SLC9A7: variants seen among roughly 807,000 people sequenced by gnomAD.
The protein encoded by SLC9A7 is solute carrier family 9 member A7.
In SLC9A7, 19 loss-of-function variants were observed where a neutral mutation model predicts 52.6. The ratio of observed to expected loss-of-function variants is 0.36; its 90% CI spans 0.25 to 0.53. The LOEUF is 0.53. SLC9A7 is among the 20% of genes least tolerant of loss of function. SLC9A7 has a pLI of 0.91. For synonymous variants in SLC9A7, 226 were observed against 252.1 expected (o/e 0.90, Z 0.98); for missense variants, 455 against 597.9 (o/e 0.76, Z 2.49).
chrX:46,671,998 T>TC (rs747787658), intron 4 of SLC9A7, among the ~76,000 whole-genome samples: 3 of 112,180 alleles, frequency 2.7e-5, no homozygotes, highest in Non-Finnish European at 5.6e-5. Context: ...TTTGTCTCTT[T>TC]CCCCCATTTA....
At chrX:46,633,335 C>CAAAA (rs1943252831) in intron 13 of SLC9A7, among the ~76,000 whole-genome samples, 1 of 11,883 alleles carries the variant, frequency 8.4e-5, no homozygotes, top group Non-Finnish European at 1.5e-4. Flanking sequence ...CTTGCTGCTG[C>CAAAA]TAAAAAAAAA....
chrX:46,678,003 C>T (rs751086153), intron 3 of SLC9A7, among the ~76,000 whole-genome samples: 31 of 111,979 alleles, frequency 2.8e-4, no homozygotes, highest in Middle Eastern at 9.1e-3. Context: ...TTTTTCACGG[C>T]AAGATCTCAT....
intron 3 of SLC9A7, among the ~76,000 whole-genome samples, chrX:46,673,685 G>A (rs1338368512): frequency 8.9e-6 from 1 of 112,212 alleles, no homozygotes; most frequent in African/African-American, 3.2e-5. Context: ...GGTGCAGGAA[G>A]AAGAACCCAG....
Position 46,600,780 on chromosome X carries a change from CTCTA to C in SLC9A7, c.*6168_*6171del, listed in dbSNP as rs1942649830. On this transcript the variant is annotated 3_prime_UTR_variant, in exon 17 of 17. Transcript: ENST00000616978. ...ACTAGCAATGGTTTCTACAGTATTT[CTCTA>C]TATGTTGTTTTCAGGTTTTAGAAAG... is the stretch of plus-strand genomic sequence containing the variant. 1 of 111,768 alleles carries C rather than the reference CTCTA, an allele frequency of 8.9e-6. No homozygotes were observed. The highest frequency in any genetic ancestry group is 1.9e-5 in the Non-Finnish European group (1 of 53,178). The allele number at this position is 111,768 out of a possible 1,213,427, so 9.2% of individuals were successfully genotyped here.
intron 1 of SLC9A7, among the ~76,000 whole-genome samples, chrX:46,703,449 G>C (rs1373169640): frequency 8.9e-6 from 1 of 111,924 alleles, no homozygotes; most frequent in Non-Finnish European, 1.9e-5. Flanking sequence ...TCTTTATCTT[G>C]AGTTTGTAAT....
intron 1 of SLC9A7, among the ~76,000 whole-genome samples, chrX:46,748,884 CTT>C (rs745407977): frequency 9.1e-6 from 1 of 109,357 alleles, no homozygotes; most frequent in East Asian, 2.9e-4. Flanking sequence ...GGCCATAAAA[CTT>C]TGTGAATATT....
At chrX:46,717,899 C>A (rs1244547839) in intron 1 of SLC9A7, among the ~76,000 whole-genome samples, 1 of 111,187 alleles carries the variant, frequency 9.0e-6, no homozygotes. Context: ...CAATGCCACC[C>A]CCAATCAAGC....
At chrX:46,728,674 C>G (rs1944981267) in intron 1 of SLC9A7, among the ~76,000 whole-genome samples, 2 of 112,126 alleles carry the variant, frequency 1.8e-5, no homozygotes, top group South Asian at 7.3e-4. Context: ...CATGCTCACA[C>G]AAAGACATGT....
In SLC9A7 at chrX:46,682,547, G is replaced by T. The variant is rs889426277; in HGVS notation, c.326-12C>A. 9.2e-6 allele frequency: 11 copies of T among 1,193,040 alleles called. No individual in the cohort carries two copies. In the Admixed American group the frequency reaches 1.6e-4, roughly 17 times the overall value. On this transcript the variant is annotated splice_polypyrimidine_tract_variant and intron_variant, in intron 1 of 16. Transcript: ENST00000616978. ...CCCAACGATGAGCCCTGAAAGAGTG[G>T]AAAAAAACTCATCAGGCCTGAGGAA... is the stretch of plus-strand genomic sequence containing the variant.
chrX:46,738,094 AGAAAGAAAGAAAGAG>A (rs1921001342), intron 1 of SLC9A7, among the ~76,000 whole-genome samples: 1 of 63,246 alleles, frequency 1.6e-5, no homozygotes, highest in Non-Finnish European at 4.3e-5. Flanking sequence ...AAAGAAAGAA[AGAAAGAAAGAAAGAG>A]AAAAGAAAAG....
chrX:46,603,038 G>A lies in SLC9A7; in HGVS notation c.*3914C>T, dbSNP rs745645793. The A allele has an allele frequency of 1.8e-5, 2 of 112,071 alleles. No homozygotes were observed. Among genetic ancestry groups the A allele is most frequent in the South Asian group, 3.7e-4 (1 of 2,681 alleles). The allele number at this position is 112,071 out of a possible 1,213,427, so 9.2% of individuals were successfully genotyped here. A position where few individuals can be genotyped will look rare whatever the true frequency, so the allele number is the denominator to read the frequency against. On this transcript the variant is annotated 3_prime_UTR_variant, in exon 17 of 17. Transcript: ENST00000616978. ...TCTGATTCCAAATGGCTGACAGCTC[G>A]GGGTTAGTGACAAAGGCAAGAAAGG...
chrX:46,708,270 G>A lies in SLC9A7; in HGVS notation c.326-25735C>T, dbSNP rs6651861. 2.1e-3 allele frequency among the ~76,000 whole-genome samples: 231 copies of A among 111,991 alleles called. 1 individual carries two copies. Among genetic ancestry groups the A allele is most frequent in the African/African-American group, 7.3e-3 (224 of 30,860 alleles). The stretch of plus-strand genomic sequence containing the variant: ...AGGCCAGGCATGGTGACTCACACCT[G>A]TAATCCCAGCACTCTGGAAGGCCGA... On this transcript the variant is annotated intron_variant, in intron 1 of 16. Transcript: ENST00000616978.
At chrX:46,739,237 CT>C (rs764241049) in intron 1 of SLC9A7, among the ~76,000 whole-genome samples, 24 of 111,675 alleles carry the variant, frequency 2.1e-4, no homozygotes, top group African/African-American at 7.8e-4. Context: ...TCCTTTCCCC[CT>C]GAGTTTGGTG....
chrX:46,690,922 A>G (rs1944371794), intron 1 of SLC9A7, among the ~76,000 whole-genome samples: 1 of 111,645 alleles, frequency 9.0e-6, no homozygotes, highest in Non-Finnish European at 1.9e-5. Context: ...CATAAACACA[A>G]TGGTTTATTT....
Position 46,664,136 on chromosome X carries a change from T to C in SLC9A7, c.794-1493A>G, listed in dbSNP as rs750771687. Among the ~76,000 whole-genome samples, 4 of 110,998 alleles carry C rather than the reference T, an allele frequency of 3.6e-5. No homozygotes were observed. In the East Asian group the frequency reaches 1.1e-3, roughly 32 times the overall value. Reference sequence around the variant, plus strand: ...GAGCTGTGTTCTCTCTCAACACTCATACCCAACTACCCTCTCTCTTGATGG... The same window carrying C: ...GAGCTGTGTTCTCTCTCAACACTCACACCCAACTACCCTCTCTCTTGATGG... On this transcript the variant is annotated intron_variant, in intron 5 of 16. Coordinates refer to ENST00000616978, the MANE Select transcript of SLC9A7 (RefSeq NM_001257291.2).
intron 1 of SLC9A7, among the ~76,000 whole-genome samples, chrX:46,686,610 A>AT (rs11437752): frequency 0.068 from 7,558 of 110,388 alleles, 690 homozygotes; most frequent in African/African-American, 0.23. Flanking sequence ...CATGCACTAG[A>AT]TTTTTTTTTG....
chrX:46,611,623 T>C (rs1315689983), intron 16 of SLC9A7, among the ~76,000 whole-genome samples: 1 of 112,713 alleles, frequency 8.9e-6, no homozygotes, highest in Non-Finnish European at 1.9e-5. Context: ...CCAGCTGAGT[T>C]TCCCAGTGTA....
chrX:46,635,125 A>T (rs1352639521), intron 13 of SLC9A7, among the ~76,000 whole-genome samples: 2 of 112,264 alleles, frequency 1.8e-5, no homozygotes, highest in Non-Finnish European at 3.8e-5. Flanking sequence ...ATGTATTTTG[A>T]AAAACTATAA....
intron 4 of SLC9A7, among the ~76,000 whole-genome samples, chrX:46,671,317 A>C (rs370821805): frequency 9.1e-6 from 1 of 110,192 alleles, no homozygotes; most frequent in Non-Finnish European, 1.9e-5. Context: ...CTGGAGTGCA[A>C]TGGCGCAATC....
Sources: gnomAD v4.1 joint callset for allele counts (sites outside exome capture counted in the v4.1 genomes callset) on GRCh38, gnomAD v4.1.1 for gene constraint, MANE v1.5 for transcripts, NCBI Gene and HGNC (gene_info 2026-07-23, HGNC 2026-07-21) for gene names.